Variants in MAGI1 observed in about 807,000 individuals in gnomAD.
The protein encoded by MAGI1 is membrane-associated guanylate kinase, WW and PDZ domain-containing protein 1.
Under a neutral mutation model 139.9 loss-of-function variants are expected in MAGI1, and 58 were observed. That is an observed-to-expected ratio of 0.41 (90% CI 0.34 to 0.52). The LOEUF (loss-of-function observed/expected upper bound fraction) is 0.52. Among genes scored for constraint, MAGI1 ranks in the 20% least tolerant of loss-of-function variants. MAGI1 has a pLI of 0.12. For missense variants in MAGI1, 1,874 were observed against 1,901.6 expected, an observed-to-expected ratio of 0.99 and a Z score of 0.27; for synonymous variants, 812 against 737.9, an observed-to-expected ratio of 1.10 and a Z score of -1.63.
At chr3:65,708,218 T>A (rs914379006) in intron 1 of MAGI1, among the ~76,000 whole-genome samples, 3 of 152,170 alleles carry the variant, frequency 2.0e-5, no homozygotes, top group African/African-American at 7.2e-5. Context: ...TCCCCCCTTT[T>A]AAAGAAATCA....
intron 1 of MAGI1, among the ~76,000 whole-genome samples, chr3:65,643,826 G>C (rs376831421): frequency 3.7e-4 from 57 of 152,280 alleles, no homozygotes; most frequent in African/African-American, 1.3e-3. Context: ...AGCAATGATT[G>C]AATGGGGAGC....
chr3:65,855,909 G>A (rs564827765), intron 1 of MAGI1, among the ~76,000 whole-genome samples: 176 of 151,868 alleles, frequency 1.2e-3, no homozygotes, highest in African/African-American at 4.1e-3. Context: ...GAAGCTTCTC[G>A]CATGCCAGGC....
intron 10 of MAGI1, 60 bp downstream of exon 10, chr3:65,437,095 T>G: frequency 8.1e-7 from 1 of 1,238,908 alleles, no homozygotes; most frequent in East Asian, 2.4e-5. Flanking sequence ...TCAAAATACC[T>G]TAAAAAAAAT....
At chr3:65,958,485 C>A (rs1395505786) in intron 1 of MAGI1, among the ~76,000 whole-genome samples, 3 of 152,178 alleles carry the variant, frequency 2.0e-5, no homozygotes, top group African/African-American at 7.2e-5. Flanking sequence ...CATTTCATGC[C>A]TTGACCGAAA....
At chr3:65,800,346 A>T (rs745319347) in intron 1 of MAGI1, among the ~76,000 whole-genome samples, 49 of 152,176 alleles carry the variant, frequency 3.2e-4, no homozygotes, top group Admixed American at 1.8e-3. Context: ...TTAAATATTA[A>T]ATATAATCAA....
At chr3:65,829,868 T>C (rs1028210217) in intron 1 of MAGI1, among the ~76,000 whole-genome samples, 4 of 152,194 alleles carry the variant, frequency 2.6e-5, no homozygotes, top group Non-Finnish European at 5.9e-5. Flanking sequence ...GTTTGTATAA[T>C]GGCAAAACTA....
intron 1 of MAGI1, among the ~76,000 whole-genome samples, chr3:65,677,503 G>A (rs1038010050): frequency 7.2e-5 from 11 of 152,292 alleles, no homozygotes; most frequent in Admixed American, 1.3e-4. Flanking sequence ...CAGATGCAAT[G>A]AAGAAAAACA....
At chr3:65,702,464 C>G (rs1297667157) in intron 1 of MAGI1, among the ~76,000 whole-genome samples, 2 of 149,636 alleles carry the variant, frequency 1.3e-5, no homozygotes, top group Non-Finnish European at 3.0e-5. Context: ...AGTAAGGTGT[C>G]AATTTTACAA....
intron 1 of MAGI1, among the ~76,000 whole-genome samples, chr3:65,951,169 T>C (rs956486959): frequency 2.0e-5 from 3 of 152,206 alleles, no homozygotes; most frequent in African/African-American, 7.2e-5. Context: ...AAAGCATCCA[T>C]TCAATCACTG....
At chr3:65,453,826 C>CA (rs1243872105) in intron 5 of MAGI1, among the ~76,000 whole-genome samples, 1 of 152,122 alleles carries the variant, frequency 6.6e-6, no homozygotes, top group Non-Finnish European at 1.5e-5. Context: ...ATAAATGACT[C>CA]AAAACTACCA....
chr3:65,452,875 C>T (rs2107495641), intron 6 of MAGI1: 1 of 173,548 alleles, frequency 5.8e-6, no homozygotes, highest in Middle Eastern at 3.0e-3. Context: ...ACTTTTCCCC[C>T]TAAGACTTTT....
At chr3:65,690,069 C>A (rs2088436615) in intron 1 of MAGI1, among the ~76,000 whole-genome samples, 1 of 152,120 alleles carries the variant, frequency 6.6e-6, no homozygotes, top group African/African-American at 2.4e-5. Context: ...CCTACCACAG[C>A]AATAGGAGTG....
chr3:65,785,188 T>A (rs1413836589), intron 1 of MAGI1, among the ~76,000 whole-genome samples: 2 of 151,616 alleles, frequency 1.3e-5, no homozygotes, highest in Admixed American at 1.3e-4. Flanking sequence ...AGTTACTTAC[T>A]AAGTAATTTT....
intron 1 of MAGI1, among the ~76,000 whole-genome samples, chr3:65,740,982 G>A (rs908740767): frequency 6.6e-6 from 1 of 152,044 alleles, no homozygotes; most frequent in Non-Finnish European, 1.5e-5. Flanking sequence ...TGTAATGGGG[G>A]AAATATGATT....
chr3:65,832,136 A>T (rs1373175285), intron 1 of MAGI1, among the ~76,000 whole-genome samples: 1 of 152,160 alleles, frequency 6.6e-6, no homozygotes, highest in African/African-American at 2.4e-5. Context: ...TTAATGTTTA[A>T]TTGCAGCTGG....
intron 1 of MAGI1, among the ~76,000 whole-genome samples, chr3:65,760,864 G>C (rs991811603): frequency 5.3e-5 from 8 of 152,160 alleles, no homozygotes; most frequent in Non-Finnish European, 1.2e-4. Flanking sequence ...GAGAAGGAGG[G>C]AAAGAAACCA....
intron 1 of MAGI1, among the ~76,000 whole-genome samples, chr3:65,971,516 C>G (rs553041643): frequency 1.2e-4 from 18 of 152,184 alleles, no homozygotes; most frequent in Non-Finnish European, 1.9e-4. Context: ...TCACTCCAAG[C>G]TGGCAGCCAA....
intron 3 of MAGI1, 118 bp from the exon 4 acceptor site, chr3:65,478,916 A>G (rs1951070797): frequency 2.7e-6 from 2 of 736,014 alleles, no homozygotes; most frequent in Non-Finnish European, 4.7e-6. Context: ...GAAAACCAGA[A>G]CAAACTGTAT....
chr3:65,553,937 C>T (rs1004245315), intron 2 of MAGI1, among the ~76,000 whole-genome samples: 12 of 152,276 alleles, frequency 7.9e-5, no homozygotes, highest in Middle Eastern at 3.4e-3. Flanking sequence ...TTAAATGAGA[C>T]AATATAGGCA....
Sources: allele counts gnomAD v4.1 joint callset (sites outside exome capture counted in the v4.1 genomes callset), GRCh38; gene constraint gnomAD v4.1.1; transcripts MANE v1.5; gene names NCBI Gene and HGNC (gene_info 2026-07-23, HGNC 2026-07-21).